The following RBPJ variants were observed in gnomAD, a reference collection of about 807,000 sequenced individuals.
RBPJ encodes recombining binding protein suppressor of hairless.
In RBPJ, 9 loss-of-function variants were observed where a neutral mutation model predicts 67.8. That is an observed-to-expected ratio of 0.13 (90% CI 0.08 to 0.23). The LOEUF (loss-of-function observed/expected upper bound fraction) is 0.23. RBPJ is among the 10% of genes least tolerant of loss of function. The probability of loss-of-function intolerance (pLI) is 1.00; values close to 1 mark genes in which losing one functional copy is unlikely to be tolerated. For synonymous variants in RBPJ, 198 were observed against 203.3 expected, an observed-to-expected ratio of 0.97 and a Z score of 0.22; for missense variants, 305 against 595.6, an observed-to-expected ratio of 0.51 and a Z score of 5.08.
chr4:26,405,637 C>T (rs903116410), intron 2 of RBPJ, among the ~76,000 whole-genome samples: 14 of 151,624 alleles, frequency 9.2e-5, no homozygotes, highest in Non-Finnish European at 1.5e-4. Context: ...ATTATGTATT[C>T]GTATGTGAAC....
At chr4:26,250,556 C>T (rs1720077642) in intron 1 of RBPJ, among the ~76,000 whole-genome samples, 1 of 152,120 alleles carries the variant, frequency 6.6e-6, no homozygotes, top group South Asian at 2.1e-4. Flanking sequence ...TGGTGTCAAA[C>T]TCCTGACCTC....
At chr4:26,196,154 A>G (rs1003312286) in intron 1 of RBPJ, among the ~76,000 whole-genome samples, 2 of 152,228 alleles carry the variant, frequency 1.3e-5, no homozygotes, top group Non-Finnish European at 2.9e-5. Flanking sequence ...CATCATTCAT[A>G]ATAGCCCCAA....
chr4:26,413,245 T>C (rs1356583045), intron 3 of RBPJ, among the ~76,000 whole-genome samples: 1 of 152,188 alleles, frequency 6.6e-6, no homozygotes, highest in Non-Finnish European at 1.5e-5. Context: ...TCTGTGGAAA[T>C]GCTCTTGCCC....
chr4:26,389,354 AAG>A (rs1381737191), intron 2 of RBPJ, among the ~76,000 whole-genome samples: 4 of 151,830 alleles, frequency 2.6e-5, no homozygotes, highest in African/African-American at 9.7e-5. Flanking sequence ...CAGAGGAACA[AAG>A]AGAGGATGAC....
chr4:26,364,816 G>A (rs1278296487), intron 1 of RBPJ, among the ~76,000 whole-genome samples: 2 of 151,390 alleles, frequency 1.3e-5, no homozygotes, highest in African/African-American at 2.4e-5. Context: ...TAGTAGAGAC[G>A]GGGTTTCGCT....
At position 26,365,661 on chromosome 4, in the gene RBPJ, C is replaced by T. The variant is rs938485800; in HGVS notation, c.21-20692C>T. The stretch of plus-strand genomic sequence containing the variant: ...GTATGTTTCCCTTAGTCATAGACAT[C>T]CTTTAAAAGTGGTATTAGTTTTATA... On this transcript the variant is annotated intron_variant, in intron 1 of 10. Coordinates refer to ENST00000355476, the MANE Select transcript of RBPJ (RefSeq NM_015874.6). Among the ~76,000 whole-genome samples the T allele has an allele frequency of 9.9e-5, 15 of 152,158 alleles. 1 individual carries two copies. The highest frequency in any genetic ancestry group is 3.6e-4 in the African/African-American group (15 of 41,428).
chr4:26,376,640 A>G (rs1203198453), intron 1 of RBPJ, among the ~76,000 whole-genome samples: 1 of 152,176 alleles, frequency 6.6e-6, no homozygotes, highest in African/African-American at 2.4e-5. Context: ...TTCTGAGTAT[A>G]TGCTCAGGAG....
At chr4:26,191,200 T>TAGAG (rs1717512048) in intron 1 of RBPJ, among the ~76,000 whole-genome samples, 4 of 31,338 alleles carry the variant, frequency 1.3e-4, no homozygotes, top group Non-Finnish European at 1.7e-4. Context: ...TATATATATA[T>TAGAG]ATATATATAT....
chr4:26,296,485 A>G (rs1258849829), intron 1 of RBPJ, among the ~76,000 whole-genome samples: 5 of 152,202 alleles, frequency 3.3e-5, no homozygotes, highest in Non-Finnish European at 7.3e-5. Context: ...GCAAAGAAGG[A>G]CAATACTTAG....
At chr4:26,400,454 A>C (rs114672680) in intron 2 of RBPJ, among the ~76,000 whole-genome samples, 2,160 of 152,346 alleles carry the variant, frequency 0.014, 25 homozygotes, top group Middle Eastern at 0.051. Context: ...CTATTTATTG[A>C]CACAGCCTTC....
At chr4:26,204,567 A>G (rs1173388564) in intron 1 of RBPJ, among the ~76,000 whole-genome samples, 2 of 152,152 alleles carry the variant, frequency 1.3e-5, no homozygotes, top group Non-Finnish European at 2.9e-5. Context: ...AGCCTGGTAG[A>G]TGTGGCCATG....
intron 1 of RBPJ, among the ~76,000 whole-genome samples, chr4:26,342,304 C>A (rs575331630): frequency 6.7e-6 from 1 of 150,018 alleles, no homozygotes; most frequent in African/African-American, 2.4e-5. Flanking sequence ...TGTTTAGTAG[C>A]CAGGAGGTCT....
chr4:26,254,301 G>A (rs1720219825), intron 1 of RBPJ, among the ~76,000 whole-genome samples: 2 of 148,782 alleles, frequency 1.3e-5, no homozygotes, highest in African/African-American at 5.2e-5. Context: ...CTACTTAGTC[G>A]AGCCCAGAGC....
At chr4:26,188,046 A>C (rs1039030303) in intron 1 of RBPJ, among the ~76,000 whole-genome samples, 1 of 151,854 alleles carries the variant, frequency 6.6e-6, no homozygotes, top group African/African-American at 2.4e-5. Flanking sequence ...AATAAAAATA[A>C]AAATACAAAA....
chr4:26,267,997 T>A (rs1720758756), intron 1 of RBPJ, among the ~76,000 whole-genome samples: 1 of 152,194 alleles, frequency 6.6e-6, no homozygotes, highest in Non-Finnish European at 1.5e-5. Flanking sequence ...TTACATCTAG[T>A]ATTACTATAA....
chr4:26,173,128 T>C (rs1345657921), intron 1 of RBPJ, among the ~76,000 whole-genome samples: 1 of 152,014 alleles, frequency 6.6e-6, no homozygotes, highest in African/African-American at 2.4e-5. Flanking sequence ...TATGTTGGGA[T>C]TTTTTCTTTC....
At chr4:26,226,040 T>G (rs1719063177) in intron 1 of RBPJ, among the ~76,000 whole-genome samples, 1 of 150,894 alleles carries the variant, frequency 6.6e-6, no homozygotes, top group South Asian at 2.1e-4. Flanking sequence ...TCTCAGCTAC[T>G]CGGGAGGCTG....
chr4:26,362,638 A>G, intron 1 of RBPJ: 1 of 1,612,738 alleles, frequency 6.2e-7, no homozygotes, highest in Non-Finnish European at 8.5e-7. Context: ...GGTATGCTTT[A>G]GAAATCTCCC....
intron 1 of RBPJ, among the ~76,000 whole-genome samples, chr4:26,335,993 T>C (rs13128399): frequency 0.52 from 79,227 of 151,888 alleles, 20,739 homozygotes; most frequent in Admixed American, 0.57. Flanking sequence ...TGTAGGGGGA[T>C]CTGGTCACCT....
Sources: gnomAD v4.1 joint callset for allele counts (sites outside exome capture counted in the v4.1 genomes callset) on GRCh38, gnomAD v4.1.1 for gene constraint, MANE v1.5 for transcripts, NCBI Gene and HGNC (gene_info 2026-07-23, HGNC 2026-07-21) for gene names.